Variants in SYT7 observed in about 807,000 individuals in gnomAD.
SYT7 encodes the protein synaptotagmin 7.
In SYT7, 29 loss-of-function variants were observed where a neutral mutation model predicts 75.1. The observed-to-expected ratio is 0.39, with a 90% CI of 0.29 to 0.53. SYT7 has a LOEUF of 0.53. Ranked by LOEUF, SYT7 falls within the 20% of genes least tolerant of loss-of-function variation. The pLI, the probability that SYT7 is intolerant of heterozygous loss-of-function variation, is 0.77. For synonymous variants in SYT7, 376 were observed against 401.7 expected, an observed-to-expected ratio of 0.94 and a Z score of 0.76; for missense variants, 693 against 953.2, an observed-to-expected ratio of 0.73 and a Z score of 3.59.
upstream of SYT7, among the ~76,000 whole-genome samples, chr11:61,583,292 C>T (rs1395594372): frequency 6.6e-6 from 1 of 152,100 alleles, no homozygotes; most frequent in Admixed American, 6.5e-5. Context: ...AGACAGGTTC[C>T]CTGCTGAGGA....
chr11:61,519,414 G>C (rs1333632550), intron 12 of SYT7, among the ~76,000 whole-genome samples: 1 of 152,204 alleles, frequency 6.6e-6, no homozygotes, highest in South Asian at 2.1e-4. Context: ...GTGATTAAGA[G>C]TATGAGCATT....
chr11:61,540,684 C>T, intron 6 of SYT7: 2 of 985,484 alleles, frequency 2.0e-6, no homozygotes, highest in Non-Finnish European at 2.4e-6. Flanking sequence ...GGCCCCTGGC[C>T]CAGTTTAATG....
At chr11:61,536,364 G>A (rs927146786) in intron 7 of SYT7, among the ~76,000 whole-genome samples, 3 of 152,146 alleles carry the variant, frequency 2.0e-5, no homozygotes, top group South Asian at 4.1e-4. Flanking sequence ...GTGAAATCTC[G>A]TTTCCAGCCT....
intron 1 of SYT7, among the ~76,000 whole-genome samples, chr11:61,570,375 G>A (rs913207345): frequency 1.3e-5 from 2 of 152,202 alleles, no homozygotes; most frequent in African/African-American, 2.4e-5. Context: ...GGAGCACAGG[G>A]TGAGAGGGTT....
At chr11:61,533,925 C>T (rs1461863848) in intron 7 of SYT7, among the ~76,000 whole-genome samples, 1 of 151,974 alleles carries the variant, frequency 6.6e-6, no homozygotes, top group Non-Finnish European at 1.5e-5. Flanking sequence ...AGGCTCTCAC[C>T]CAGGGTCACA....
In SYT7 at chr11:61,569,492, C is replaced by G. The variant is rs550521411; in HGVS notation, c.31+11298G>C. 1.1e-3 allele frequency among the ~76,000 whole-genome samples: 174 copies of G among 152,170 alleles called. 3 individuals carry two copies. The South Asian group carries it at 0.035, about 31-fold the overall frequency. On this transcript the variant is annotated intron_variant, in intron 1 of 12. Coordinates refer to ENST00000539008, the MANE Select transcript of SYT7 (RefSeq NM_001365809.2). Reference sequence around the variant, plus strand: ...GTCCATGCAGAGTAAGTGAGAGAGACCTGGGCTCTGGGGCAGCAGAGGGAG... The same window carrying G: ...GTCCATGCAGAGTAAGTGAGAGAGAGCTGGGCTCTGGGGCAGCAGAGGGAG...
rs1255798881 is a variant in SYT7 at position 61,515,337 on chromosome 11, T to C, written c.*3290A>G. 6.6e-6 allele frequency: 1 copy of C among 152,166 alleles called. No individual in the cohort carries two copies. The highest frequency in any genetic ancestry group is 2.4e-5 in the African/African-American group (1 of 41,424). 9.4% of individuals were successfully genotyped at this position (152,166 alleles called of 1,614,324 possible). ...CTACTTTTTCACGATCCTTTATTAATCAGAACAGGCCTTGCCACAAAAAGC... is the reference window on the plus strand; with the variant it reads ...CTACTTTTTCACGATCCTTTATTAACCAGAACAGGCCTTGCCACAAAAAGC... On this transcript the variant is annotated 3_prime_UTR_variant, in exon 13 of 13. Coordinates refer to ENST00000539008, the MANE Select transcript of SYT7 (RefSeq NM_001365809.2).
chr11:61,542,504 C>T lies in SYT7; in HGVS notation c.648G>A (p.Gln216=), dbSNP rs1258620136. 2.6e-6 allele frequency: 4 copies of T among 1,532,152 alleles called. No homozygotes were observed. The African/African-American group carries it at 4.1e-5, about 16-fold the overall frequency. The allele number at this position is 1,532,152 out of a possible 1,614,324, so 94.9% of individuals were successfully genotyped here. The part of the protein sequence containing the change: ...IPSSTGEPKC[Q]RPRTLMRQQS... Reference sequence around the variant, plus strand: ...GCTGCCGCATCAGGGTGCGGGGTCGCTGGCATTTCGGCTCTCCCGTGGAGC... The same window carrying T: ...GCTGCCGCATCAGGGTGCGGGGTCGTTGGCATTTCGGCTCTCCCGTGGAGC... The change falls in exon 6 of 13, where the codon CAG becomes CAA. Residue 216 remains glutamine, a synonymous_variant. Coordinates refer to ENST00000539008, the MANE Select transcript of SYT7 (RefSeq NM_001365809.2). This position sits in a 1 kb window ranked among gnomAD's most constrained non-coding sequence, Gnocchi z 7.8.
rs2064071146 is a variant in SYT7, at chr11:61,576,167, G to A, written c.31+4623C>T. Reference sequence around the variant, plus strand: ...TGCCAACTCTGTTCCAGCCCTTGGGGAATTCTGCTGGGTGAGACCAAAGCC... The same window carrying A: ...TGCCAACTCTGTTCCAGCCCTTGGGAAATTCTGCTGGGTGAGACCAAAGCC... On this transcript the variant is annotated intron_variant, in intron 1 of 12. Coordinates refer to ENST00000539008, the MANE Select transcript of SYT7 (RefSeq NM_001365809.2). This position sits in a 1 kb window ranked among gnomAD's most constrained non-coding sequence, Gnocchi z 4.1. Among the ~76,000 whole-genome samples the A allele has an allele frequency of 6.6e-6, 1 of 152,234 alleles. No homozygotes were observed. Among genetic ancestry groups the A allele is most frequent in the South Asian group, 2.1e-4 (1 of 4,824 alleles).
chr11:61,533,322 C>A (rs1250778621), intron 7 of SYT7, 198 bp from the exon 8 acceptor site: 1 of 985,318 alleles, frequency 1.0e-6, no homozygotes, highest in Non-Finnish European at 1.2e-6. Flanking sequence ...CTCCTTGCAG[C>A]CTCTACCCCA....
intron 5 of SYT7, among the ~76,000 whole-genome samples, chr11:61,545,465 T>C (rs2063157014): frequency 6.6e-6 from 1 of 152,164 alleles, no homozygotes; most frequent in Non-Finnish European, 1.5e-5. Context: ...CTGCGGCTGC[T>C]CGTGAGTGGC....
intron 1 of SYT7, among the ~76,000 whole-genome samples, chr11:61,558,004 T>C (rs2063540852): frequency 6.6e-6 from 1 of 152,224 alleles, no homozygotes; most frequent in African/African-American, 2.4e-5. Context: ...GAGATCTGTT[T>C]CCCAGCTCTC....
intron 9 of SYT7, among the ~76,000 whole-genome samples, chr11:61,527,521 G>A (rs2062557318): frequency 6.6e-6 from 1 of 152,262 alleles, no homozygotes; most frequent in Non-Finnish European, 1.5e-5. Flanking sequence ...TCCTACGGGT[G>A]CCTCCCTCCC....
Position 61,557,044 on chromosome 11 carries a change from G to A in SYT7, c.32-837C>T, listed in dbSNP as rs186911824. ...TCTGTCTGAATCCCACCCCTTCCCC[G>A]GCTGTGTGGCTTCTGCCAGTCACAG... On this transcript the variant is annotated intron_variant, in intron 1 of 12. Coordinates refer to ENST00000539008, the MANE Select transcript of SYT7 (RefSeq NM_001365809.2). 5.9e-5 allele frequency among the ~76,000 whole-genome samples: 9 copies of A among 152,302 alleles called. No individual in the cohort carries two copies. In the East Asian group the frequency reaches 1.2e-3, roughly 20 times the overall value.
Position 61,542,730 on chromosome 11 carries a change from G to A in SYT7, c.573-151C>T, listed in dbSNP as rs1222464446. Among the ~76,000 whole-genome samples the A allele has an allele frequency of 3.3e-5, 5 of 152,174 alleles. No homozygotes were observed. The highest frequency in any genetic ancestry group is 7.4e-5 in the Non-Finnish European group (5 of 68,016). Reference sequence around the variant, plus strand: ...GGCCTCCATCGGAGCTGTCGCCACCGCCGTCGCCGCCACTGCCTCGCCCAG... The same window carrying A: ...GGCCTCCATCGGAGCTGTCGCCACCACCGTCGCCGCCACTGCCTCGCCCAG... On this transcript the variant is annotated intron_variant, in intron 5 of 12. Transcript: ENST00000539008. The surrounding 1 kb of genome is among the most constrained non-coding windows in gnomAD (Gnocchi z 7.8).
chr11:61,570,692 C>A (rs1403008078), intron 1 of SYT7, among the ~76,000 whole-genome samples: 2 of 152,182 alleles, frequency 1.3e-5, no homozygotes, highest in African/African-American at 4.8e-5. Context: ...CCCAGAACAG[C>A]CCTGGCACAA....
chr11:61,550,167 C>T (rs1023188722), intron 3 of SYT7, among the ~76,000 whole-genome samples: 1 of 152,132 alleles, frequency 6.6e-6, no homozygotes, highest in African/African-American at 2.4e-5. Flanking sequence ...TCCTCCTGAG[C>T]CTCCCGCCCT....
chr11:61,583,524 C>T (rs2064325471), upstream of SYT7, among the ~76,000 whole-genome samples: 1 of 152,182 alleles, frequency 6.6e-6, no homozygotes, highest in South Asian at 2.1e-4. Context: ...GAGCTAAAGG[C>T]CCCGGAGCCA....
chr11:61,559,773 G>A (rs1484511537), intron 1 of SYT7, among the ~76,000 whole-genome samples: 1 of 152,186 alleles, frequency 6.6e-6, no homozygotes, highest in Non-Finnish European at 1.5e-5. Flanking sequence ...AGTCCCTAGG[G>A]ACAGAAGCCT....
Sources: gnomAD v4.1 joint callset for allele counts (sites outside exome capture counted in the v4.1 genomes callset) on GRCh38, gnomAD v4.1.1 for gene constraint, Gnocchi (gnomAD v3.1) non-coding constraint, MANE v1.5 for transcripts, NCBI Gene and HGNC (gene_info 2026-07-23, HGNC 2026-07-21) for gene names.